RBFOX1: variants seen among roughly 807,000 people sequenced by gnomAD.
RBFOX1 encodes RNA binding fox-1 homolog 1.
In RBFOX1, 8 loss-of-function variants were observed where a neutral mutation model predicts 57.7. That is an observed-to-expected ratio of 0.14 (90% CI 0.08 to 0.25). The LOEUF (loss-of-function observed/expected upper bound fraction) is 0.25, where lower values mean the gene tolerates loss of function less well. RBFOX1 is among the 10% of genes least tolerant of loss of function. RBFOX1 has a pLI of 1.00. For synonymous variants in RBFOX1, 326 were observed against 222.4 expected, an observed-to-expected ratio of 1.47 and a Z score of -4.15; for missense variants, 611 against 548.5, an observed-to-expected ratio of 1.11 and a Z score of -1.14.
chr16:6,202,768 T>C (rs1007998895), intron 1 of RBFOX1, among the ~76,000 whole-genome samples: 1 of 152,100 alleles, frequency 6.6e-6, no homozygotes, highest in Non-Finnish European at 1.5e-5. Flanking sequence ...TTATGTAATT[T>C]ATTTTTTAGT....
In RBFOX1 at chr16:7,310,860, G is replaced by C. The variant is rs765060236; in HGVS notation, c.28-207287G>C. Among the ~76,000 whole-genome samples the C allele has an allele frequency of 6.7e-4, 102 of 152,180 alleles. 1 individual carries two copies. The highest frequency in any genetic ancestry group is 2.2e-4 in the Non-Finnish European group (15 of 68,036). On this transcript the variant is annotated intron_variant, in intron 4 of 15. Transcript: ENST00000550418. ...CTGCCCTTCTAGACTCTCCCAGGGAGCAAAGCAAAGGCCCCTGTCCTCACA... is the reference window on the plus strand; with the variant it reads ...CTGCCCTTCTAGACTCTCCCAGGGACCAAAGCAAAGGCCCCTGTCCTCACA...
At chr16:6,707,462 A>G (rs1764334231) in intron 3 of RBFOX1, among the ~76,000 whole-genome samples, 2 of 144,758 alleles carry the variant, frequency 1.4e-5, no homozygotes, top group African/African-American at 5.2e-5. Context: ...GAATATTTAG[A>G]TGGCTTCCCA....
chr16:5,856,544 T>TGTGG (rs2057065119), intron 3 of RBFOX1, among the ~76,000 whole-genome samples: 1 of 60,786 alleles, frequency 1.6e-5, no homozygotes, highest in African/African-American at 6.6e-5. Flanking sequence ...TGTATGTGTG[T>TGTGG]GTGTGTGTGT....
intron 1 of RBFOX1, among the ~76,000 whole-genome samples, chr16:5,395,783 A>T (rs2066536145): frequency 6.6e-6 from 1 of 152,238 alleles, no homozygotes; most frequent in African/African-American, 2.4e-5. Flanking sequence ...GCTGACAGTG[A>T]AGAAGCAGGC....
chr16:6,931,360 C>CACACACAT lies in RBFOX1; in HGVS notation c.-15-120694_-15-120693insCACATACA, dbSNP rs112897436. Among the ~76,000 whole-genome samples the CACACACAT allele has an allele frequency of 1.4e-3, 211 of 146,660 alleles. 1 individual carries two copies. The highest frequency in any genetic ancestry group is 7.2e-3 in the Middle Eastern group (2 of 278). Reference sequence around the variant, plus strand: ...ATCTCTACACACACACACACACACACACATACATACACATATATACATACA... The same window carrying CACACACAT: ...ATCTCTACACACACACACACACACACACACACATACATACATACACATATATACATACA... On this transcript the variant is annotated intron_variant, in intron 3 of 15. Transcript: ENST00000550418.
At chr16:6,917,413 A>G (rs2073447183) in intron 3 of RBFOX1, among the ~76,000 whole-genome samples, 1 of 152,228 alleles carries the variant, frequency 6.6e-6, no homozygotes, top group Non-Finnish European at 1.5e-5. Flanking sequence ...TTATAAAGAA[A>G]TCTACAAGTG....
chr16:6,626,393 C>T (rs552653424), intron 2 of RBFOX1, among the ~76,000 whole-genome samples: 2 of 152,106 alleles, frequency 1.3e-5, no homozygotes, highest in Non-Finnish European at 2.9e-5. Flanking sequence ...AGGGCTGATT[C>T]ATCATTCTTC....
At chr16:7,217,137 C>T (rs969629645) in intron 4 of RBFOX1, among the ~76,000 whole-genome samples, 9 of 149,344 alleles carry the variant, frequency 6.0e-5, no homozygotes, top group East Asian at 6.0e-4. Flanking sequence ...GACAGTCTTG[C>T]TCTGTCGCTC....
intron 4 of RBFOX1, among the ~76,000 whole-genome samples, chr16:7,281,293 G>A (rs184055139): frequency 7.9e-5 from 12 of 151,716 alleles, no homozygotes; most frequent in East Asian, 7.9e-4. Context: ...GTGAGCCACC[G>A]TGCCCAGTGC....
At chr16:6,781,637 A>T (rs535481467) in intron 3 of RBFOX1, among the ~76,000 whole-genome samples, 1 of 151,936 alleles carries the variant, frequency 6.6e-6, no homozygotes, top group African/African-American at 2.4e-5. Context: ...CTATTATTTC[A>T]TGTTTCAATC....
At chr16:6,799,764 A>T (rs1180348059) in intron 3 of RBFOX1, among the ~76,000 whole-genome samples, 1 of 152,022 alleles carries the variant, frequency 6.6e-6, no homozygotes, top group African/African-American at 2.4e-5. Flanking sequence ...CAGGTTCTTT[A>T]GCCTTTGGAC....
At chr16:6,619,968 T>A (rs571703289) in intron 2 of RBFOX1, among the ~76,000 whole-genome samples, 1 of 152,204 alleles carries the variant, frequency 6.6e-6, no homozygotes, top group Admixed American at 6.5e-5. Context: ...TATTTGATTT[T>A]CTGTTCCTGC....
At chr16:7,088,387 G>C (rs1447240515) in intron 4 of RBFOX1, among the ~76,000 whole-genome samples, 1 of 152,182 alleles carries the variant, frequency 6.6e-6, no homozygotes, top group South Asian at 2.1e-4. Flanking sequence ...GGGGTTGAGT[G>C]CTGTAGAGGA....
At chr16:6,827,069 A>G (rs2092243660) in intron 3 of RBFOX1, among the ~76,000 whole-genome samples, 2 of 152,202 alleles carry the variant, frequency 1.3e-5, no homozygotes, top group Admixed American at 1.3e-4. Context: ...ATAAAAAGTG[A>G]AGATTTCTTT....
chr16:7,342,488 A>C (rs2096917573), intron 4 of RBFOX1, among the ~76,000 whole-genome samples: 1 of 152,188 alleles, frequency 6.6e-6, no homozygotes, highest in Non-Finnish European at 1.5e-5. Context: ...CAACGCCACA[A>C]CTGATTGCCA....
chr16:6,249,948 C>A lies in RBFOX1; in HGVS notation c.-126-67047C>A, dbSNP rs113501505. 4.8e-3 allele frequency among the ~76,000 whole-genome samples: 729 copies of A among 152,074 alleles called. 14 individuals carry two copies. The highest frequency in any genetic ancestry group is 0.016 in the African/African-American group (679 of 41,492). On this transcript the variant is annotated intron_variant, in intron 1 of 15. Transcript: ENST00000550418. Reference sequence around the variant, plus strand: ...CACTCCCCCTACCCCACAATAGGCCCACATTTTAAGGTTACTCTGGCAGTG... The same window carrying A: ...CACTCCCCCTACCCCACAATAGGCCAACATTTTAAGGTTACTCTGGCAGTG...
rs922070940 is a variant in RBFOX1 at position 7,556,348 on chromosome 16, C to T, written c.271-23429C>T. 3.3e-5 allele frequency among the ~76,000 whole-genome samples: 5 copies of T among 152,158 alleles called. No individual in the cohort carries two copies. The East Asian group carries it at 7.7e-4, about 23-fold the overall frequency. ...GCTTCCCCTCCATTTCATTAAACCACGGCACATGAAGAAATAGCATTACTC... is the reference window on the plus strand; with the variant it reads ...GCTTCCCCTCCATTTCATTAAACCATGGCACATGAAGAAATAGCATTACTC... On this transcript the variant is annotated intron_variant, in intron 5 of 15. Transcript: ENST00000550418.
intron 2 of RBFOX1, among the ~76,000 whole-genome samples, chr16:5,556,992 G>T (rs939279412): frequency 2.0e-5 from 3 of 152,158 alleles, no homozygotes; most frequent in Non-Finnish European, 4.4e-5. Context: ...GAACTTGGTG[G>T]CTCATGCCTG....
chr16:6,859,475 C>T (rs1057319534), intron 3 of RBFOX1, among the ~76,000 whole-genome samples: 20 of 151,912 alleles, frequency 1.3e-4, no homozygotes, highest in Non-Finnish European at 2.2e-4. Context: ...AACAGTTGCT[C>T]ACTCTTGTTC....
Sources: allele counts gnomAD v4.1 joint callset (sites outside exome capture counted in the v4.1 genomes callset), GRCh38; gene constraint gnomAD v4.1.1; transcripts MANE v1.5; gene names NCBI Gene and HGNC (gene_info 2026-07-23, HGNC 2026-07-21).